WLS: variants seen among roughly 807,000 people sequenced by gnomAD.
The protein encoded by WLS is protein wntless homolog.
WLS carries 23 observed loss-of-function variants against 62.8 expected under a neutral mutation model. The observed-to-expected ratio is 0.37, with a 90% confidence interval of 0.26 to 0.52. WLS has a LOEUF of 0.52. WLS is among the 20% of genes least tolerant of loss of function. The pLI is 0.92. For missense variants in WLS, 615 were observed against 697.3 expected (o/e 0.88, Z 1.33); for synonymous variants, 246 against 244.1 (o/e 1.01, Z -0.07).
At chr1:68,213,327 T>A (rs1160394741) in intron 1 of WLS, among the ~76,000 whole-genome samples, 1 of 151,700 alleles carries the variant, frequency 6.6e-6, no homozygotes, top group South Asian at 2.1e-4. Flanking sequence ...GGTAGGCGCC[T>A]GTAATCCCAG....
In WLS at chr1:68,178,438, C is replaced by T. The variant is rs546268238; in HGVS notation, c.379+15517G>A. ...CTCTTAGGCCAGGAGTGGTGGCTTA[C>T]GCCTGTAATCCCAGCACTTTGGGAC... On this transcript the variant is annotated intron_variant, in intron 2 of 11. Transcript: ENST00000262348. Among the ~76,000 whole-genome samples, 11 of 152,264 alleles carry T rather than the reference C, an allele frequency of 7.2e-5. No individual in the cohort carries two copies. In the South Asian group the frequency reaches 1.4e-3, roughly 20 times the overall value.
intron 2 of WLS, chr1:68,162,416 C>A: frequency 6.2e-7 from 1 of 1,613,782 alleles, no homozygotes; most frequent in Non-Finnish European, 8.5e-7. Context: ...AGAGTGTAGA[C>A]CCTCTGCACG....
At chr1:68,181,421 G>A (rs4655786) in intron 2 of WLS, among the ~76,000 whole-genome samples, 1 of 152,106 alleles carries the variant, frequency 6.6e-6, no homozygotes, top group Non-Finnish European at 1.5e-5. Flanking sequence ...AGCAGGAAAT[G>A]AGACACGTGG....
At chr1:68,153,403 A>G (rs1646853289) in intron 5 of WLS, 114 bp downstream of exon 5, 9 of 1,437,364 alleles carry the variant, frequency 6.3e-6, no homozygotes, top group Non-Finnish European at 8.5e-6. Flanking sequence ...TCCTGGTCAA[A>G]TCACTGGCCT....
intron 10 of WLS, among the ~76,000 whole-genome samples, chr1:68,140,883 T>C (rs1262025795): frequency 6.6e-6 from 1 of 152,148 alleles, no homozygotes; most frequent in African/African-American, 2.4e-5. Flanking sequence ...GAGCAGGCCT[T>C]GTAAATCCAA....
At chr1:68,223,306 T>A (rs1230379575) in intron 1 of WLS, among the ~76,000 whole-genome samples, 5 of 151,972 alleles carry the variant, frequency 3.3e-5, no homozygotes, top group Admixed American at 6.6e-5. Context: ...TTGGGGGAGG[T>A]TCATAATGAA....
intron 1 of WLS, among the ~76,000 whole-genome samples, chr1:68,214,683 C>T (rs76039723): frequency 0.067 from 10,169 of 152,208 alleles, 517 homozygotes; most frequent in East Asian, 0.15. Flanking sequence ...GAAGGCATAA[C>T]AAGTGTATCA....
At chr1:68,134,390 G>T (rs552473197) in intron 11 of WLS, among the ~76,000 whole-genome samples, 2 of 152,166 alleles carry the variant, frequency 1.3e-5, no homozygotes, top group Admixed American at 6.5e-5. Context: ...AGCTGCCAGG[G>T]GTTCCCGGGG....
chr1:68,232,374 CACT>C lies in WLS; in HGVS notation c.-78_-76del. The C allele has an allele frequency of 6.5e-7, 1 of 1,543,570 alleles. No individual in the cohort carries two copies. On this transcript the variant is annotated 5_prime_UTR_variant, in exon 1 of 12. Transcript: ENST00000262348. ...GAGCTTTTTGCTCCCTCCTCTCACA[CACT>C]CCCTCCTTCCTCGCCTCCTTTCTGG...
downstream of WLS, among the ~76,000 whole-genome samples, chr1:68,124,637 G>T (rs1269788488): frequency 6.6e-6 from 1 of 152,170 alleles, no homozygotes; most frequent in Non-Finnish European, 1.5e-5. Context: ...TTGGTAAGTG[G>T]ATATTGAGTG....
intron 2 of WLS, among the ~76,000 whole-genome samples, chr1:68,188,306 G>A (rs540435345): frequency 4.5e-4 from 68 of 152,318 alleles, no homozygotes; most frequent in African/African-American, 1.6e-3. Flanking sequence ...TGTGGGAGGG[G>A]AGGAAGCACC....
chr1:68,103,198 T>C (rs754363256), intron 11 of WLS, among the ~76,000 whole-genome samples: 3 of 152,232 alleles, frequency 2.0e-5, no homozygotes, highest in Non-Finnish European at 4.4e-5. Context: ...TATCTCATCC[T>C]GTGATTCAAA....
At chr1:68,114,182 C>T (rs979567407) in intron 11 of WLS, among the ~76,000 whole-genome samples, 1 of 152,148 alleles carries the variant, frequency 6.6e-6, no homozygotes, top group African/African-American at 2.4e-5. Context: ...TGCCTACTGC[C>T]AGGCTGAGGC....
At chr1:68,228,617 G>A (rs971695569) in intron 1 of WLS, among the ~76,000 whole-genome samples, 5 of 151,574 alleles carry the variant, frequency 3.3e-5, no homozygotes, top group African/African-American at 1.2e-4. Context: ...TTTCCTTCAG[G>A]TACTACCGCA....
At chr1:68,176,483 C>G (rs1047750337) in intron 2 of WLS, 1 of 152,198 alleles carries the variant, frequency 6.6e-6, no homozygotes, top group Non-Finnish European at 1.5e-5. Flanking sequence ...AAAGGACAAG[C>G]TACGAGTCTC....
intron 2 of WLS, among the ~76,000 whole-genome samples, chr1:68,164,685 G>A (rs1458422490): frequency 1.3e-5 from 2 of 152,200 alleles, no homozygotes; most frequent in African/African-American, 4.8e-5. Flanking sequence ...AAGCCACTCA[G>A]AATTTGAAAG....
intron 7 of WLS, 81 bp downstream of exon 7, chr1:68,148,482 T>C: frequency 6.9e-7 from 1 of 1,458,114 alleles, no homozygotes; most frequent in South Asian, 1.2e-5. Flanking sequence ...CCATTCTCCT[T>C]TTCAAACACT....
At chr1:68,177,304 G>A (rs1455772160) in intron 2 of WLS, among the ~76,000 whole-genome samples, 1 of 152,144 alleles carries the variant, frequency 6.6e-6, no homozygotes, top group Non-Finnish European at 1.5e-5. Context: ...AATACTAAAT[G>A]TGCAAATGGG....
chr1:68,106,235 T>G (rs535579079), intron 11 of WLS, among the ~76,000 whole-genome samples: 1 of 151,790 alleles, frequency 6.6e-6, no homozygotes, highest in East Asian at 1.9e-4. Flanking sequence ...CATAAAGAAA[T>G]AAATGATAGT....
Sources: gnomAD v4.1 joint callset for allele counts (sites outside exome capture counted in the v4.1 genomes callset) on GRCh38, gnomAD v4.1.1 for gene constraint, MANE v1.5 for transcripts, NCBI Gene and HGNC (gene_info 2026-07-23, HGNC 2026-07-21) for gene names.